OVCH1: variants seen among roughly 807,000 people sequenced by gnomAD.
OVCH1 encodes ovochymase-1.
In OVCH1, 139 loss-of-function variants were observed where a neutral mutation model predicts 138.4. The observed-to-expected ratio is 1.00, with a 90% CI of 0.87 to 1.16. OVCH1 has a LOEUF of 1.16. Ranked by LOEUF, OVCH1 falls within the 50% of genes most tolerant of loss-of-function variation. The probability of loss-of-function intolerance (pLI) is 0.00; values close to 1 mark genes in which losing one functional copy is unlikely to be tolerated. For missense variants in OVCH1, 1,367 were observed against 1,357.9 expected (o/e 1.01, Z -0.11); for synonymous variants, 453 against 467.8 (o/e 0.97, Z 0.41).
chr12:29,476,083 G>T, intron 13 of OVCH1, 123 bp downstream of exon 13: 1 of 786,260 alleles, frequency 1.3e-6, no homozygotes. Context: ...ATGGCATTCT[G>T]AGTTTCCAAA....
At chr12:29,486,623 C>G (rs772991899) in intron 7 of OVCH1, among the ~76,000 whole-genome samples, 4 of 152,076 alleles carry the variant, frequency 2.6e-5, no homozygotes, top group African/African-American at 9.7e-5. Context: ...GTTAAGAAAA[C>G]TCAATTTAAC....
downstream of OVCH1, among the ~76,000 whole-genome samples, chr12:29,408,862 G>A (rs1415669974): frequency 1.3e-5 from 2 of 152,042 alleles, no homozygotes; most frequent in African/African-American, 4.8e-5. Flanking sequence ...TCTATTGATT[G>A]GAATAGTTTC....
intron 18 of OVCH1, among the ~76,000 whole-genome samples, chr12:29,462,650 G>C (rs1474117832): frequency 1.3e-5 from 2 of 151,774 alleles, no homozygotes; most frequent in Non-Finnish European, 2.9e-5. Context: ...ACCTTTTGGG[G>C]CAATATTAAT....
At chr12:29,480,607 T>G (rs895366624) in intron 8 of OVCH1, among the ~76,000 whole-genome samples, 5 of 152,156 alleles carry the variant, frequency 3.3e-5, no homozygotes, top group Admixed American at 2.0e-4. Flanking sequence ...CTATGGAGCA[T>G]TTATTATGTG....
chr12:29,458,415 T>C (rs952356376), intron 19 of OVCH1, among the ~76,000 whole-genome samples: 73 of 150,696 alleles, frequency 4.8e-4, no homozygotes, highest in African/African-American at 1.7e-3. Flanking sequence ...CTTTGATAAA[T>C]GGTGCTGGGA....
chr12:29,423,121 A>G (rs1941127684), downstream of OVCH1: 3 of 422,926 alleles, frequency 7.1e-6, no homozygotes, highest in Non-Finnish European at 1.4e-5. Flanking sequence ...TAATGCAATT[A>G]CTTACCACTG....
chr12:29,426,613 C>G (rs11050229), downstream of OVCH1, among the ~76,000 whole-genome samples: 90 of 152,276 alleles, frequency 5.9e-4, no homozygotes, highest in African/African-American at 2.2e-3. Context: ...TATTTTCCAT[C>G]TCCATAAATG....
At chr12:29,434,698 T>C (rs1012754482) in intron 26 of OVCH1, among the ~76,000 whole-genome samples, 8 of 133,356 alleles carry the variant, frequency 6.0e-5, no homozygotes, top group African/African-American at 2.3e-4. Context: ...TTCACATAAT[T>C]TACCTTGTCC....
downstream of OVCH1, among the ~76,000 whole-genome samples, chr12:29,408,286 G>A (rs1940908911): frequency 7.9e-6 from 1 of 126,324 alleles, no homozygotes; most frequent in Non-Finnish European, 1.9e-5. Flanking sequence ...TTTCCTAATT[G>A]AATACCCTTT....
intron 6 of OVCH1, among the ~76,000 whole-genome samples, chr12:29,488,620 C>CAAAAAAAAAAAAAAAAAAAAAAAA (rs67595567): frequency 2.8e-4 from 17 of 61,730 alleles, no homozygotes; most frequent in East Asian, 1.1e-3. Context: ...GACTCCATCT[C>CAAAAAAAAAAAAAAAAAAAAAAAA]AAAAAAAAAA....
At chr12:29,481,136 TAACCTGTAGTTCAA>T (rs1489759804) in intron 8 of OVCH1, among the ~76,000 whole-genome samples, 1 of 151,996 alleles carries the variant, frequency 6.6e-6, no homozygotes, top group Non-Finnish European at 1.5e-5. Context: ...GCACGAGTAT[TAACCTGTAGTTCAA>T]ATTCTCAAAT....
intron 18 of OVCH1, among the ~76,000 whole-genome samples, chr12:29,462,894 C>G (rs1302378318): frequency 6.6e-6 from 1 of 152,134 alleles, no homozygotes; most frequent in Non-Finnish European, 1.5e-5. Flanking sequence ...AACTCCTCTT[C>G]TTGGGGACCA....
chr12:29,432,030 C>T (rs754288039), intron 27 of OVCH1, among the ~76,000 whole-genome samples: 2 of 152,162 alleles, frequency 1.3e-5, no homozygotes, highest in Non-Finnish European at 2.9e-5. Context: ...CTATTTACCA[C>T]GCATAGTTAT....
chr12:29,405,036 A>AAAAC, the OVCH1 span, among the ~76,000 whole-genome samples: 3 of 130,100 alleles, frequency 2.3e-5, no homozygotes, highest in African/African-American at 7.9e-5. Flanking sequence ...AAAAAAAAAA[A>AAAAC]AAAAAAAAAA....
chr12:29,437,498 A>C (rs1236264080), intron 26 of OVCH1, among the ~76,000 whole-genome samples: 1 of 152,184 alleles, frequency 6.6e-6, no homozygotes, highest in East Asian at 1.9e-4. Context: ...TTTGCTTCAA[A>C]ACTATCTCTA....
exon 20 of OVCH1, chr12:29,455,386 A>G (rs1476352702): frequency 2.5e-6 from 4 of 1,609,598 alleles, no homozygotes; most frequent in African/African-American, 2.7e-5. Context: ...TCTACATACT[A>G]GTGGCCCACC....
chr12:29,477,542 T>C lies in OVCH1; in HGVS notation c.1106A>G (p.Asn369Ser), dbSNP rs186150682. 1.9e-4 allele frequency: 299 copies of C among 1,613,860 alleles called. No homozygotes were observed. The highest frequency in any genetic ancestry group is 6.3e-4 in the Admixed American group (38 of 59,940). ...AAAGTGGTGGAAACTTACACGTTTG[T>C]TTTGTTTTCCATCGTCTTCCATGAG... Residue 369 changes from asparagine to serine, a missense_variant, in exon 10 of 28, where the codon AAC (asparagine) becomes AGC (serine). By Grantham distance (46) the Asn-to-Ser change is conservative (BLOSUM62 1). Coordinates refer to ENST00000318184, the Ensembl canonical transcript of OVCH1.
At chr12:29,424,510 A>T (rs905627847), downstream of OVCH1, among the ~76,000 whole-genome samples, 11 of 152,228 alleles carry the variant, frequency 7.2e-5, no homozygotes, top group African/African-American at 2.7e-4. Flanking sequence ...TTGGGAGCAT[A>T]AGGCGGTAGG....
chr12:29,455,286 C>T, exon 20 of OVCH1: 3 of 1,613,860 alleles, frequency 1.9e-6, no homozygotes, highest in Non-Finnish European at 2.5e-6. Flanking sequence ...AGAAGATCAT[C>T]ACTCTGGCAA....
Sources: gnomAD v4.1 joint callset for allele counts (sites outside exome capture counted in the v4.1 genomes callset) on GRCh38, gnomAD v4.1.1 for gene constraint, MANE v1.5 for transcripts, NCBI Gene and HGNC (gene_info 2026-07-23, HGNC 2026-07-21) for gene names.